The following HSD11B1 variants were observed in gnomAD, a reference collection of about 807,000 sequenced individuals.
HSD11B1 encodes 11-beta-hydroxysteroid dehydrogenase 1.
A neutral mutation model predicts 22.1 loss-of-function variants in HSD11B1; 15 were observed. The ratio of observed to expected loss-of-function variants is 0.68; its 90% CI spans 0.45 to 1.04. HSD11B1 has a LOEUF of 1.04. Ranked by LOEUF, HSD11B1 falls within the 50% of genes least tolerant of loss-of-function variation. The pLI is 0.00. For missense variants in HSD11B1, 281 were observed against 357.6 expected (o/e 0.79, Z 1.73); for synonymous variants, 122 against 125.2 (o/e 0.97, Z 0.17).
chr1:209,727,614 C>T (rs1428694383), intron 4 of HSD11B1, among the ~76,000 whole-genome samples: 1 of 152,180 alleles, frequency 6.6e-6, no homozygotes, highest in East Asian at 1.9e-4. Flanking sequence ...AGAGGAAGTA[C>T]CACCTAGTGT....
At chr1:209,712,879 T>A (rs181033200) in intron 4 of HSD11B1, among the ~76,000 whole-genome samples, 81 of 152,184 alleles carry the variant, frequency 5.3e-4, no homozygotes, top group Admixed American at 4.7e-3. Flanking sequence ...CAAAAGCCCG[T>A]CTCTACCAAA....
chr1:209,705,124 C>T lies in HSD11B1; in HGVS notation c.88+94C>T, dbSNP rs191104796. 3.1e-4 allele frequency: 309 copies of T among 1,010,726 alleles called. 1 individual carries two copies. The African/African-American group carries it at 3.8e-3, about 12-fold the overall frequency. 62.6% of individuals were successfully genotyped at this position (1,010,726 alleles called of 1,614,324 possible). On this transcript the variant is annotated intron_variant, in intron 1 of 5. Coordinates refer to ENST00000367027, the MANE Select transcript of HSD11B1 (RefSeq NM_005525.4). ...AGGACCAAGATGTGTTCTTGATCCT[C>T]AAAGTTGGTGAAAATGAGGGAACCC... is the stretch of plus-strand genomic sequence containing the variant.
intron 1 of HSD11B1, among the ~76,000 whole-genome samples, chr1:209,698,704 C>G (rs568715650): frequency 6.6e-6 from 1 of 152,220 alleles, no homozygotes; most frequent in Non-Finnish European, 1.5e-5. Flanking sequence ...ACAACTACAA[C>G]ATGCTTAGAA....
chr1:209,696,316 G>GTACAC (rs2076791446), intron 1 of HSD11B1, among the ~76,000 whole-genome samples: 1 of 152,130 alleles, frequency 6.6e-6, no homozygotes, highest in South Asian at 2.1e-4. Flanking sequence ...TCATTGAATT[G>GTACAC]TACACTTAAA....
At chr1:209,714,880 A>G (rs1450357721) in intron 4 of HSD11B1, among the ~76,000 whole-genome samples, 1 of 152,146 alleles carries the variant, frequency 6.6e-6, no homozygotes, top group African/African-American at 2.4e-5. Flanking sequence ...GCATCCTCAC[A>G]TGGGGCAGCA....
intron 4 of HSD11B1, among the ~76,000 whole-genome samples, chr1:209,714,551 G>A (rs182591790): frequency 6.6e-6 from 1 of 152,270 alleles, no homozygotes; most frequent in African/African-American, 2.4e-5. Flanking sequence ...CTGTGTTGGA[G>A]ACTCACAGTC....
At chr1:209,702,510 C>G (rs536817334), upstream of HSD11B1, among the ~76,000 whole-genome samples, 1 of 152,198 alleles carries the variant, frequency 6.6e-6, no homozygotes, top group Admixed American at 6.5e-5. Context: ...AGTGTGGTCC[C>G]CATGGGTCTC....
At chr1:209,696,117 G>A (rs1446012663) in intron 1 of HSD11B1, among the ~76,000 whole-genome samples, 2 of 152,214 alleles carry the variant, frequency 1.3e-5, no homozygotes, top group African/African-American at 2.4e-5. Context: ...TACACGTTGT[G>A]TAGTTCTACT....
chr1:209,704,752 C>T (rs1360060849), upstream of HSD11B1: 7 of 582,982 alleles, frequency 1.2e-5, no homozygotes, highest in Admixed American at 5.7e-5. Flanking sequence ...CTGCCAGGGA[C>T]GAATGGGATC....
intron 4 of HSD11B1, among the ~76,000 whole-genome samples, chr1:209,730,166 G>C (rs767636160): frequency 6.6e-6 from 1 of 152,162 alleles, no homozygotes. Context: ...GGGTATCCCA[G>C]TTGAAAAGAA....
intron 1 of HSD11B1, among the ~76,000 whole-genome samples, chr1:209,689,612 C>T (rs1016055406): frequency 6.6e-6 from 1 of 152,148 alleles, no homozygotes; most frequent in Non-Finnish European, 1.5e-5. Context: ...TGAATTCTTA[C>T]TCTATGAGTT....
chr1:209,698,960 G>C (rs2076809821), intron 1 of HSD11B1, among the ~76,000 whole-genome samples: 2 of 152,074 alleles, frequency 1.3e-5, no homozygotes, highest in Admixed American at 1.3e-4. Context: ...CACACAGAGG[G>C]CAATTTATCC....
At chr1:209,696,120 G>C (rs2076789818) in intron 1 of HSD11B1, among the ~76,000 whole-genome samples, 1 of 152,200 alleles carries the variant, frequency 6.6e-6, no homozygotes, top group Admixed American at 6.5e-5. Flanking sequence ...ACGTTGTGTA[G>C]TTCTACTAAT....
In HSD11B1 at chr1:209,706,254, C is replaced by T. The variant is rs11799643; in HGVS notation, c.219+313C>T. Among the ~76,000 whole-genome samples, 14,843 of 152,096 alleles carry T rather than the reference C, an allele frequency of 0.098. 2,185 individuals carry two copies. The highest frequency in any genetic ancestry group is 0.32 in the African/African-American group (13,151 of 41,416). On this transcript the variant is annotated intron_variant, in intron 2 of 5. Transcript: ENST00000367027. The surrounding 1 kb of genome is among the most constrained non-coding windows in gnomAD (Gnocchi z 4.0). ...TTACACATGGAACTACAGATACATACGGATGTTTTCAAAAACTGAAATCCC... is the reference window on the plus strand; with the variant it reads ...TTACACATGGAACTACAGATACATATGGATGTTTTCAAAAACTGAAATCCC...
intron 4 of HSD11B1, among the ~76,000 whole-genome samples, chr1:209,730,316 C>T (rs773438993): frequency 3.3e-5 from 5 of 152,190 alleles, no homozygotes; most frequent in African/African-American, 4.8e-5. Flanking sequence ...CTATAATTAA[C>T]ATTAGCTTTT....
At chr1:209,692,391 A>G (rs888238117) in intron 1 of HSD11B1, among the ~76,000 whole-genome samples, 3 of 152,042 alleles carry the variant, frequency 2.0e-5, no homozygotes, top group African/African-American at 7.2e-5. Flanking sequence ...CAAATACACC[A>G]TGGGAAGTGA....
intron 1 of HSD11B1, among the ~76,000 whole-genome samples, chr1:209,689,548 G>C (rs2076746940): frequency 6.6e-6 from 1 of 152,212 alleles, no homozygotes; most frequent in African/African-American, 2.4e-5. Flanking sequence ...AGGTGTTTGA[G>C]TCGTGGGGGT....
intron 1 of HSD11B1, among the ~76,000 whole-genome samples, chr1:209,693,158 T>A (rs1410023850): frequency 1.3e-5 from 2 of 152,182 alleles, no homozygotes; most frequent in Non-Finnish European, 2.9e-5. Flanking sequence ...TTCAGTTCCC[T>A]ATTAGGTCAG....
intron 4 of HSD11B1, among the ~76,000 whole-genome samples, chr1:209,726,274 CGT>C (rs1407267768): frequency 2.7e-5 from 1 of 37,062 alleles, no homozygotes; most frequent in Admixed American, 3.6e-4. Flanking sequence ...AATGAGACTC[CGT>C]AAAAAAAAAA....
Sources: gnomAD v4.1 joint callset for allele counts (sites outside exome capture counted in the v4.1 genomes callset) on GRCh38, gnomAD v4.1.1 for gene constraint, Gnocchi (gnomAD v3.1) non-coding constraint, MANE v1.5 for transcripts, NCBI Gene and HGNC (gene_info 2026-07-23, HGNC 2026-07-21) for gene names.